Variants in ADGRV1 observed in about 807,000 individuals in gnomAD.
The protein encoded by ADGRV1 is adhesion G protein-coupled receptor V1.
A neutral mutation model predicts 596.2 loss-of-function variants in ADGRV1; 359 were observed. That is an observed-to-expected ratio of 0.60 (90% CI 0.55 to 0.66). The LOEUF is 0.66. ADGRV1 is among the 30% of genes least tolerant of loss of function. The pLI is 0.00. For missense variants in ADGRV1, 7,274 were observed against 7,575.6 expected (o/e 0.96, Z 1.48); for synonymous variants, 2,681 against 2,679.2 (o/e 1.00, Z -0.02).
At chr5:90,814,487 C>G (rs536806111) in intron 74 of ADGRV1, among the ~76,000 whole-genome samples, 1 of 152,034 alleles carries the variant, frequency 6.6e-6, no homozygotes, top group East Asian at 1.9e-4. Context: ...GTTGTAATCC[C>G]CCAAATCCCC....
chr5:90,777,261 A>C (rs1212413737), intron 61 of ADGRV1, among the ~76,000 whole-genome samples: 1 of 152,086 alleles, frequency 6.6e-6, no homozygotes, highest in Non-Finnish European at 1.5e-5. Context: ...GAAAACAGCA[A>C]GGGGGAAGTC....
At chr5:90,774,531 A>T (rs1017592010) in intron 60 of ADGRV1, among the ~76,000 whole-genome samples, 2 of 152,078 alleles carry the variant, frequency 1.3e-5, no homozygotes, top group African/African-American at 4.8e-5. Context: ...TAGCTGTGTA[A>T]TTTTTTTCTA....
At chr5:90,874,840 A>T (rs948346999) in intron 83 of ADGRV1, among the ~76,000 whole-genome samples, 1 of 152,046 alleles carries the variant, frequency 6.6e-6, no homozygotes, top group Non-Finnish European at 1.5e-5. Context: ...CCCGGGCGAC[A>T]GCAAGACTCT....
In ADGRV1 at chr5:90,810,830, G is replaced by C; in HGVS notation, c.15570G>C (p.Glu5190Asp). ...CAACTGGTGTATCTGCCATCCCTGAGAAACTTGTCACCCTTCATGGCACAC... is the reference window on the plus strand; with the variant it reads ...CAACTGGTGTATCTGCCATCCCTGACAAACTTGTCACCCTTCATGGCACAC... ...TEATGVSAIP[E>D]KLVTLHGTPA... Residue 5190 changes from glutamate (E) to aspartate (D), a missense_variant, in exon 74 of 90, where the codon GAG becomes GAC. Physicochemically the swap from Glu to Asp is conservative, Grantham distance 45 (BLOSUM62 2). Around this residue, in one of 5 missense-constraint regions of ADGRV1, gnomAD observed 1,874 missense variants for 1,970.2 expected, o/e 0.95. Coordinates refer to ENST00000405460, the MANE Select transcript of ADGRV1 (RefSeq NM_032119.4). 1 of 1,614,026 alleles carries C rather than the reference G, an allele frequency of 6.2e-7. No individual in the cohort carries two copies. The highest frequency in any genetic ancestry group is 8.5e-7 in the Non-Finnish European group (1 of 1,179,900).
At chr5:90,687,858 C>T (rs529170734) in intron 29 of ADGRV1, among the ~76,000 whole-genome samples, 1 of 152,206 alleles carries the variant, frequency 6.6e-6, no homozygotes, top group South Asian at 2.1e-4. Flanking sequence ...TGAAGGACCT[C>T]TTCAAGGAGA....
In ADGRV1 at chr5:90,778,135, G is replaced by T. The variant is rs1758446651; in HGVS notation, c.12666+92G>T. ...CATATGTGTATGTGTGGGTGTGTTT[G>T]TGTGTGTGTGGTTAGAAGTGGGGGA... On this transcript the variant is annotated intron_variant, in intron 62 of 89. Coordinates refer to ENST00000405460, the MANE Select transcript of ADGRV1 (RefSeq NM_032119.4). 5 of 1,335,238 alleles carry T rather than the reference G, an allele frequency of 3.7e-6. No homozygotes were observed. The Admixed American group carries it at 8.8e-5, about 24-fold the overall frequency. 82.7% of individuals were successfully genotyped at this position (1,335,238 alleles called of 1,614,324 possible). A position where few individuals can be genotyped will look rare whatever the true frequency, so the allele number is the denominator to read the frequency against.
At chr5:90,615,218 A>G (rs919927888) in intron 2 of ADGRV1, among the ~76,000 whole-genome samples, 199 bp downstream of exon 2, 17 of 151,890 alleles carry the variant, frequency 1.1e-4, no homozygotes, top group Admixed American at 7.9e-4. Context: ...TATATTTAAC[A>G]GTACTATTTT....
intron 83 of ADGRV1, among the ~76,000 whole-genome samples, chr5:90,956,830 C>T (rs1777523606): frequency 1.3e-5 from 2 of 152,120 alleles, no homozygotes; most frequent in African/African-American, 4.8e-5. Context: ...ACAGACTTGG[C>T]TCAAGTCCTG....
At chr5:91,063,006 T>TCC (rs1040977162) in intron 85 of ADGRV1, among the ~76,000 whole-genome samples, 32 of 142,504 alleles carry the variant, frequency 2.2e-4, no homozygotes, top group African/African-American at 8.3e-4. Flanking sequence ...TTACCCAGGC[T>TCC]GGAGTGCAGT....
intron 21 of ADGRV1, among the ~76,000 whole-genome samples, chr5:90,663,544 G>T (rs1273695845): frequency 0.01 from 1,525 of 151,512 alleles, 12 homozygotes; most frequent in Non-Finnish European, 0.017. Context: ...TGCGAAAATT[G>T]TCTCCCATTT....
intron 24 of ADGRV1, among the ~76,000 whole-genome samples, chr5:90,675,828 AAAAG>A (rs1773179581): frequency 2.6e-5 from 4 of 152,084 alleles, no homozygotes; most frequent in Admixed American, 2.0e-4. Context: ...AAAAGAAAAG[AAAAG>A]AAAGAAAGAA....
At chr5:90,687,429 T>G (rs1288117370) in intron 29 of ADGRV1, among the ~76,000 whole-genome samples, 1 of 152,172 alleles carries the variant, frequency 6.6e-6, no homozygotes, top group Non-Finnish European at 1.5e-5. Flanking sequence ...TTTCTACATA[T>G]GGCTAGTCAG....
intron 71 of ADGRV1, among the ~76,000 whole-genome samples, chr5:90,803,492 A>G (rs1761599412): frequency 6.6e-6 from 1 of 152,168 alleles, no homozygotes; most frequent in African/African-American, 2.4e-5. Context: ...ATTGTGTGAT[A>G]TAATTCTATC....
intron 1 of ADGRV1, 27 bp downstream of exon 1, chr5:90,558,944 G>A: frequency 1.3e-6 from 2 of 1,549,220 alleles, no homozygotes; most frequent in Non-Finnish European, 1.7e-6. Flanking sequence ...GGGTGGTGCT[G>A]CGAGCATCGC....
At chr5:90,768,529 C>G (rs1757374988) in intron 59 of ADGRV1, among the ~76,000 whole-genome samples, 1 of 152,292 alleles carries the variant, frequency 6.6e-6, no homozygotes, top group East Asian at 1.9e-4. Flanking sequence ...CGGTACATCC[C>G]AGGTTGTACC....
At chr5:90,721,576 T>TAAAATAAAAATAAAATATAAA (rs1561595438) in intron 45 of ADGRV1, among the ~76,000 whole-genome samples, 3,460 of 119,882 alleles carry the variant, frequency 0.029, 395 homozygotes, top group African/African-American at 0.055. Flanking sequence ...TAAAATAAAA[T>TAAAATAAAAATAAAATATAAA]AAAATAAAAT....
Position 90,684,008 on chromosome 5 carries a change from T to G in ADGRV1, c.6087T>G (p.Pro2029=). ...TGGAAAAACCACCTTATTTTCCACC[T>G]AATTTAGCGAGAGCAACTCAAGGAA... is the stretch of plus-strand genomic sequence containing the variant. ...DDMEKPPYFP[P]NLARATQGRD... The change falls in exon 28 of 90, where the codon CCT becomes CCG. Residue 2029 remains proline, a synonymous_variant. Transcript: ENST00000405460. 6.2e-7 allele frequency: 1 copy of G among 1,613,982 alleles called. No homozygotes were observed. The highest frequency in any genetic ancestry group is 8.5e-7 in the Non-Finnish European group (1 of 1,179,882).
intron 32 of ADGRV1, 136 bp from the exon 33 acceptor site, chr5:90,693,754 A>C (rs1746795825): frequency 1.8e-6 from 1 of 563,644 alleles, no homozygotes; most frequent in Non-Finnish European, 2.9e-6. Flanking sequence ...AGTGTAATTA[A>C]GAAACAGGAT....
At chr5:90,682,187 AG>A (rs1177206488) in intron 27 of ADGRV1, among the ~76,000 whole-genome samples, 31 of 152,242 alleles carry the variant, frequency 2.0e-4, no homozygotes, top group African/African-American at 7.5e-4. Context: ...TAAGTTAGCA[AG>A]GGGCTCTGAT....
Sources: allele counts gnomAD v4.1 joint callset (sites outside exome capture counted in the v4.1 genomes callset), GRCh38; gene constraint gnomAD v4.1.1; regional missense constraint gnomAD v4.1.1; transcripts MANE v1.5; gene names NCBI Gene and HGNC (gene_info 2026-07-23, HGNC 2026-07-21).